The following GRIN2A variants were observed in gnomAD, a reference collection of about 807,000 sequenced individuals.
GRIN2A encodes glutamate receptor ionotropic, NMDA 2A.
In GRIN2A, 22 loss-of-function variants were observed where a neutral mutation model predicts 113.4. That is an observed-to-expected ratio of 0.19 (90% CI 0.14 to 0.28). The LOEUF (loss-of-function observed/expected upper bound fraction) is 0.28. GRIN2A is among the 10% of genes least tolerant of loss of function. GRIN2A has a pLI of 1.00. For missense variants in GRIN2A, 1,502 were observed against 1,887.0 expected, an observed-to-expected ratio of 0.80 and a Z score of 3.78; for synonymous variants, 827 against 738.4, an observed-to-expected ratio of 1.12 and a Z score of -1.94.
intron 2 of GRIN2A, among the ~76,000 whole-genome samples, chr16:10,036,621 T>A (rs2047037118): frequency 6.6e-6 from 1 of 151,466 alleles, no homozygotes; most frequent in African/African-American, 2.4e-5. Flanking sequence ...TTTTTTTTTG[T>A]ATTTTTAGTA....
chr16:9,820,993 A>C (rs1228200638), intron 10 of GRIN2A, among the ~76,000 whole-genome samples: 1 of 152,180 alleles, frequency 6.6e-6, no homozygotes, highest in Non-Finnish European at 1.5e-5. Context: ...ACAGACTGAA[A>C]GGACAGAATG....
At chr16:9,960,765 C>T (rs1222894319) in intron 2 of GRIN2A, among the ~76,000 whole-genome samples, 3 of 152,206 alleles carry the variant, frequency 2.0e-5, no homozygotes, top group Non-Finnish European at 4.4e-5. Flanking sequence ...GCAGGGACTA[C>T]AGGTGTGTTC....
At chr16:10,120,945 C>G (rs896417249) in intron 2 of GRIN2A, among the ~76,000 whole-genome samples, 1 of 152,126 alleles carries the variant, frequency 6.6e-6, no homozygotes, top group Admixed American at 6.5e-5. Context: ...ATTGTGGCAT[C>G]TTTTCAGCCC....
intron 5 of GRIN2A, among the ~76,000 whole-genome samples, chr16:9,847,797 A>G (rs1036718106): frequency 6.7e-6 from 1 of 148,770 alleles, no homozygotes; most frequent in Non-Finnish European, 1.5e-5. Context: ...CATTTCTAAC[A>G]TAACAGTAGG....
chr16:9,865,086 C>T (rs1392135768), intron 4 of GRIN2A, among the ~76,000 whole-genome samples: 1 of 152,164 alleles, frequency 6.6e-6, no homozygotes, highest in Non-Finnish European at 1.5e-5. Context: ...CCAGGCTTGT[C>T]TGAGCTCTAA....
chr16:9,846,421 A>G (rs1360425451), intron 5 of GRIN2A, among the ~76,000 whole-genome samples: 1 of 152,196 alleles, frequency 6.6e-6, no homozygotes, highest in Non-Finnish European at 1.5e-5. Context: ...AGGCCTTCAC[A>G]ATACATTTAG....
Position 10,120,039 on chromosome 16 carries a change from T to C in GRIN2A, c.414+59959A>G, listed in dbSNP as rs184249022. On this transcript the variant is annotated intron_variant, in intron 2 of 12. Transcript: ENST00000330684. ...TGCTATTGTGAATAGGGCTGCAGAATACATATGTATGCATATATCTTTATA... is the reference window on the plus strand; with the variant it reads ...TGCTATTGTGAATAGGGCTGCAGAACACATATGTATGCATATATCTTTATA... Among the ~76,000 whole-genome samples, 308 of 152,328 alleles carry C rather than the reference T, an allele frequency of 2.0e-3. 4 individuals carry two copies. The highest frequency in any genetic ancestry group is 0.018 in the Admixed American group (275 of 15,304).
chr16:10,009,584 T>G (rs1426446224), intron 2 of GRIN2A, among the ~76,000 whole-genome samples: 1 of 151,968 alleles, frequency 6.6e-6, no homozygotes, highest in Non-Finnish European at 1.5e-5. Flanking sequence ...CTGGACAGGA[T>G]GGGGGTTGCA....
chr16:9,876,513 C>T (rs2043369190), intron 4 of GRIN2A, among the ~76,000 whole-genome samples: 1 of 152,154 alleles, frequency 6.6e-6, no homozygotes, highest in East Asian at 1.9e-4. Context: ...CCTGGACCCA[C>T]CTTATATACT....
intron 2 of GRIN2A, among the ~76,000 whole-genome samples, chr16:10,032,501 CT>C (rs2046948410): frequency 6.6e-6 from 1 of 152,132 alleles, no homozygotes; most frequent in Non-Finnish European, 1.5e-5. Flanking sequence ...ATTGAATCTT[CT>C]CATCAAAACA....
chr16:9,784,810 C>T (rs1166116269), intron 11 of GRIN2A, among the ~76,000 whole-genome samples: 4 of 143,804 alleles, frequency 2.8e-5, no homozygotes, highest in African/African-American at 1.1e-4. Context: ...CAAAAGAAGA[C>T]ATTTATGCAG....
intron 2 of GRIN2A, among the ~76,000 whole-genome samples, chr16:10,132,600 G>A (rs2049090141): frequency 1.3e-5 from 2 of 152,150 alleles, no homozygotes; most frequent in South Asian, 2.1e-4. Flanking sequence ...AATCATTCGG[G>A]CATGGGGTTA....
intron 2 of GRIN2A, among the ~76,000 whole-genome samples, chr16:10,055,689 T>C (rs1445749370): frequency 6.6e-6 from 1 of 152,196 alleles, no homozygotes; most frequent in African/African-American, 2.4e-5. Flanking sequence ...TAAATTCAAC[T>C]AAGCCCTTCC....
At chr16:9,810,883 G>A (rs1035989661) in intron 10 of GRIN2A, among the ~76,000 whole-genome samples, 18 of 152,194 alleles carry the variant, frequency 1.2e-4, no homozygotes, top group Non-Finnish European at 2.4e-4. Flanking sequence ...GAGGAAGGAG[G>A]TGGGGCTTGC....
chr16:10,143,120 T>C (rs1168254730), intron 2 of GRIN2A, among the ~76,000 whole-genome samples: 1 of 152,222 alleles, frequency 6.6e-6, no homozygotes. Flanking sequence ...ATGAAGTTGT[T>C]GTTCCTTCAG....
At chr16:9,773,588 G>A (rs1456362541) in intron 11 of GRIN2A, among the ~76,000 whole-genome samples, 1 of 152,174 alleles carries the variant, frequency 6.6e-6, no homozygotes, top group Non-Finnish European at 1.5e-5. Flanking sequence ...TGGGGTTGCA[G>A]TCAAACCACA....
chr16:10,114,026 GA>G (rs953656324), intron 2 of GRIN2A, among the ~76,000 whole-genome samples: 16 of 149,740 alleles, frequency 1.1e-4, no homozygotes, highest in African/African-American at 2.9e-4. Context: ...AAAAAAAAAA[GA>G]AAAAAAAAGA....
intron 2 of GRIN2A, among the ~76,000 whole-genome samples, chr16:10,054,873 C>G (rs1379682916): frequency 4.0e-5 from 6 of 150,610 alleles, no homozygotes; most frequent in African/African-American, 1.5e-4. Context: ...TGGTAAAACC[C>G]CATCTCTACT....
intron 2 of GRIN2A, among the ~76,000 whole-genome samples, chr16:10,076,161 G>T (rs2047869047): frequency 6.6e-6 from 1 of 152,192 alleles, no homozygotes; most frequent in Non-Finnish European, 1.5e-5. Context: ...GAAGCAAAGT[G>T]GGTTGAGGAT....
Sources: allele counts gnomAD v4.1 joint callset (sites outside exome capture counted in the v4.1 genomes callset), GRCh38; gene constraint gnomAD v4.1.1; transcripts MANE v1.5; gene names NCBI Gene and HGNC (gene_info 2026-07-23, HGNC 2026-07-21).